Variants in SLC16A12 observed in about 807,000 individuals in gnomAD.
The protein encoded by SLC16A12 is solute carrier family 16 member 12.
Under a neutral mutation model 42.4 loss-of-function variants are expected in SLC16A12, and 17 were observed. The observed-to-expected ratio is 0.40, with a 90% CI of 0.27 to 0.60. The LOEUF is 0.60. SLC16A12 is among the 20% of genes least tolerant of loss of function. SLC16A12 has a pLI of 0.42. For synonymous variants in SLC16A12, 224 were observed against 229.4 expected (o/e 0.98, Z 0.21); for missense variants, 544 against 623.0 (o/e 0.87, Z 1.35).
intron 4 of SLC16A12, 26 bp downstream of exon 4, chr10:89,443,730 T>A: frequency 6.6e-7 from 1 of 1,508,124 alleles, no homozygotes; most frequent in East Asian, 2.3e-5. Context: ...GGCCAGTAAT[T>A]CCCTATCCTA....
At chr10:89,540,729 A>T (rs1262138384) in intron 2 of SLC16A12, among the ~76,000 whole-genome samples, 2 of 152,286 alleles carry the variant, frequency 1.3e-5, no homozygotes, top group East Asian at 3.9e-4. Flanking sequence ...CTCTTCTCCG[A>T]TGTCACTTAG....
intron 2 of SLC16A12, among the ~76,000 whole-genome samples, chr10:89,487,993 T>TACAC (rs1320601071): frequency 8.4e-6 from 1 of 119,638 alleles, no homozygotes; most frequent in Admixed American, 8.6e-5. Context: ...TATATATATA[T>TACAC]ATACACACAC....
intron 2 of SLC16A12, among the ~76,000 whole-genome samples, chr10:89,464,039 G>A (rs1342167787): frequency 6.6e-6 from 1 of 152,148 alleles, no homozygotes; most frequent in East Asian, 1.9e-4. Context: ...AGGCCTGCTA[G>A]CCACTCTCAC....
chr10:89,505,697 C>G (rs1001765969), intron 2 of SLC16A12, among the ~76,000 whole-genome samples: 2 of 152,114 alleles, frequency 1.3e-5, no homozygotes, highest in African/African-American at 4.8e-5. Flanking sequence ...GAGACTGTAC[C>G]AGAAGGAACA....
chr10:89,477,869 C>T (rs1307379635), intron 2 of SLC16A12, among the ~76,000 whole-genome samples: 1 of 145,320 alleles, frequency 6.9e-6, no homozygotes, highest in Admixed American at 6.9e-5. Flanking sequence ...GCCCTGCCCC[C>T]GCCCCCACCC....
At chr10:89,487,799 G>A (rs899738110) in intron 2 of SLC16A12, among the ~76,000 whole-genome samples, 3 of 99,068 alleles carry the variant, frequency 3.0e-5, no homozygotes, top group African/African-American at 4.3e-5. Context: ...GCAACAGAGC[G>A]ATTCTGTCTC....
intron 2 of SLC16A12, among the ~76,000 whole-genome samples, chr10:89,545,096 A>C (rs913070261): frequency 1.8e-4 from 27 of 152,122 alleles, no homozygotes; most frequent in African/African-American, 6.5e-4. Context: ...GGATGAGAGG[A>C]CATTTGGGGC....
chr10:89,449,968 T>C (rs1019472116), intron 3 of SLC16A12, among the ~76,000 whole-genome samples: 7 of 152,184 alleles, frequency 4.6e-5, no homozygotes, highest in Non-Finnish European at 7.3e-5. Context: ...GAGACACTTT[T>C]CAAAAGAAAA....
chr10:89,530,184 G>T (rs1157193468), intron 2 of SLC16A12, among the ~76,000 whole-genome samples: 1 of 152,098 alleles, frequency 6.6e-6, no homozygotes, highest in Non-Finnish European at 1.5e-5. Flanking sequence ...AGAGGATCAG[G>T]ACCTTATTGG....
chr10:89,514,302 G>C (rs1843211341), intron 2 of SLC16A12, among the ~76,000 whole-genome samples: 1 of 152,216 alleles, frequency 6.6e-6, no homozygotes, highest in Non-Finnish European at 1.5e-5. Context: ...GTCCAGGAGA[G>C]CTTGGTGTCA....
intron 2 of SLC16A12, among the ~76,000 whole-genome samples, chr10:89,528,678 T>A (rs1843494009): frequency 6.6e-6 from 1 of 152,204 alleles, no homozygotes; most frequent in African/African-American, 2.4e-5. Context: ...TTCAATAAAA[T>A]TTTTTTCTAA....
rs546273415 is a variant in SLC16A12 at position 89,494,794 on chromosome 10, A to G, written c.-46-32170T>C. The stretch of plus-strand genomic sequence containing the variant: ...GGAACAGAAGATTTCTAAAGACAGC[A>G]AGTGTGGGAATGAAGCTAAAAATAG... On this transcript the variant is annotated intron_variant, in intron 2 of 7. Coordinates refer to ENST00000371790, the MANE Select transcript of SLC16A12 (RefSeq NM_213606.4). Among the ~76,000 whole-genome samples, 12 of 152,304 alleles carry G rather than the reference A, an allele frequency of 7.9e-5. No individual in the cohort carries two copies. The South Asian group carries it at 2.5e-3, about 32-fold the overall frequency.
chr10:89,434,133 G>C (rs922460240), intron 7 of SLC16A12, among the ~76,000 whole-genome samples: 3 of 152,124 alleles, frequency 2.0e-5, no homozygotes, highest in African/African-American at 7.2e-5. Flanking sequence ...ATAGCATGTA[G>C]AAGTTGTTAT....
chr10:89,527,791 G>C (rs1843479577), intron 2 of SLC16A12, among the ~76,000 whole-genome samples: 1 of 149,992 alleles, frequency 6.7e-6, no homozygotes, highest in African/African-American at 2.5e-5. Context: ...GTGACAGTGA[G>C]ACCCCATCTC....
At chr10:89,495,260 A>T (rs1842907858) in intron 2 of SLC16A12, among the ~76,000 whole-genome samples, 1 of 152,188 alleles carries the variant, frequency 6.6e-6, no homozygotes, top group Non-Finnish European at 1.5e-5. Flanking sequence ...AAGCTGAGAC[A>T]GGAGAATTGC....
intron 3 of SLC16A12, among the ~76,000 whole-genome samples, chr10:89,445,994 A>G (rs1841994191): frequency 6.6e-6 from 1 of 152,200 alleles, no homozygotes; most frequent in Non-Finnish European, 1.5e-5. Context: ...ATCAAGTGGA[A>G]GAAAGGGTAT....
intron 2 of SLC16A12, among the ~76,000 whole-genome samples, chr10:89,473,391 C>A (rs1230610292): frequency 6.6e-6 from 1 of 152,124 alleles, no homozygotes; most frequent in African/African-American, 2.4e-5. Context: ...CTCTTATTGT[C>A]ACTCCATTTA....
At chr10:89,533,160 C>T (rs865846654) in intron 2 of SLC16A12, among the ~76,000 whole-genome samples, 5 of 141,644 alleles carry the variant, frequency 3.5e-5, no homozygotes, top group South Asian at 2.2e-4. Flanking sequence ...TTGTTGTTGT[C>T]GTTTTTAGTT....
intron 2 of SLC16A12, among the ~76,000 whole-genome samples, chr10:89,531,464 C>T (rs968294265): frequency 6.6e-6 from 1 of 152,092 alleles, no homozygotes; most frequent in African/African-American, 2.4e-5. Context: ...CCAAACACCG[C>T]TGTAAGCATG....
Sources: gnomAD v4.1 joint callset for allele counts (sites outside exome capture counted in the v4.1 genomes callset) on GRCh38, gnomAD v4.1.1 for gene constraint, MANE v1.5 for transcripts, NCBI Gene and HGNC (gene_info 2026-07-23, HGNC 2026-07-21) for gene names.